The following RGS6 variants were observed in gnomAD, a reference collection of about 807,000 sequenced individuals.
The protein encoded by RGS6 is regulator of G-protein signaling 6.
RGS6 carries 30 observed loss-of-function variants against 78.5 expected under a neutral mutation model. The observed-to-expected ratio is 0.38, with a 90% CI of 0.29 to 0.52. RGS6 has a LOEUF of 0.52. RGS6 is among the 20% of genes least tolerant of loss of function. The pLI is 0.85. For synonymous variants in RGS6, 206 were observed against 206.0 expected, an observed-to-expected ratio of 1.00 and a Z score of 0.00; for missense variants, 495 against 609.7, an observed-to-expected ratio of 0.81 and a Z score of 1.98.
intron 2 of RGS6, among the ~76,000 whole-genome samples, chr14:72,073,028 C>T (rs778947052): frequency 1.3e-5 from 2 of 152,246 alleles, no homozygotes; most frequent in African/African-American, 4.8e-5. Flanking sequence ...GAAGATTACT[C>T]GATAGTCATT....
chr14:72,129,363 T>A (rs781222973), intron 2 of RGS6, among the ~76,000 whole-genome samples: 4 of 152,238 alleles, frequency 2.6e-5, no homozygotes, highest in Non-Finnish European at 5.9e-5. Flanking sequence ...CAATAAATAT[T>A]TGTTTAATGA....
intron 2 of RGS6, among the ~76,000 whole-genome samples, chr14:72,062,470 C>G (rs1214565179): frequency 6.6e-6 from 1 of 152,190 alleles, no homozygotes; most frequent in African/African-American, 2.4e-5. Context: ...GGCAAGAAAA[C>G]AAACAGACCA....
At chr14:72,470,613 C>G (rs2096049784) in intron 8 of RGS6, among the ~76,000 whole-genome samples, 1 of 151,914 alleles carries the variant, frequency 6.6e-6, no homozygotes, top group African/African-American at 2.4e-5. Context: ...CATGGTGGCT[C>G]ATGCCTGTAA....
At chr14:72,179,681 A>T (rs1024072024) in intron 2 of RGS6, among the ~76,000 whole-genome samples, 3 of 117,226 alleles carry the variant, frequency 2.6e-5, no homozygotes, top group Admixed American at 1.2e-4. Flanking sequence ...TGTTAACTTC[A>T]TATTTGAAGG....
At chr14:72,454,689 A>C in intron 4 of RGS6, 111 bp downstream of exon 4, 1 of 752,610 alleles carries the variant, frequency 1.3e-6, no homozygotes, top group Non-Finnish European at 2.2e-6. Flanking sequence ...TGTAAATGTG[A>C]ATTCCAAGAC....
chr14:72,355,635 T>TAAG (rs1408495677), intron 3 of RGS6, among the ~76,000 whole-genome samples: 2 of 152,070 alleles, frequency 1.3e-5, no homozygotes, highest in Non-Finnish European at 2.9e-5. Flanking sequence ...GAGGAGGAAA[T>TAAG]AAGTAAGGAA....
At chr14:72,080,925 G>T (rs2094796044) in intron 2 of RGS6, among the ~76,000 whole-genome samples, 1 of 152,066 alleles carries the variant, frequency 6.6e-6, no homozygotes, top group Admixed American at 6.6e-5. Context: ...CTGTAGCTTT[G>T]TAGTAGTTTT....
chr14:72,438,417 C>T (rs1158702913), intron 3 of RGS6, among the ~76,000 whole-genome samples: 2 of 152,170 alleles, frequency 1.3e-5, no homozygotes, highest in Non-Finnish European at 2.9e-5. Context: ...CCAGATTCAA[C>T]AGCCACTCCA....
At chr14:72,214,428 G>A (rs1339061304) in intron 2 of RGS6, among the ~76,000 whole-genome samples, 1 of 152,090 alleles carries the variant, frequency 6.6e-6, no homozygotes, top group Non-Finnish European at 1.5e-5. Context: ...TTTCTAGCGT[G>A]TGTATGTATA....
At chr14:72,629,613 C>T in the RGS6 span, 1 of 1,533,860 alleles carries the variant, frequency 6.5e-7, no homozygotes, top group East Asian at 2.4e-5. Flanking sequence ...CAGGGAAAGC[C>T]CCAAACTCAC....
intron 2 of RGS6, among the ~76,000 whole-genome samples, chr14:72,209,315 A>C (rs549119167): frequency 2.0e-5 from 3 of 152,332 alleles, no homozygotes; most frequent in African/African-American, 7.2e-5. Context: ...TACATATTCT[A>C]TTCTTTAAAA....
At chr14:72,131,137 T>G (rs2096305384) in intron 2 of RGS6, among the ~76,000 whole-genome samples, 1 of 152,232 alleles carries the variant, frequency 6.6e-6, no homozygotes, top group Non-Finnish European at 1.5e-5. Flanking sequence ...CGGACTATTC[T>G]CTTGAGCCAG....
intron 12 of RGS6, among the ~76,000 whole-genome samples, chr14:72,493,758 C>T (rs955737685): frequency 6.7e-5 from 10 of 149,476 alleles, no homozygotes; most frequent in African/African-American, 2.2e-4. Context: ...AATAGTAACA[C>T]TGCATACCAG....
At chr14:72,393,251 T>C (rs2071375619) in intron 3 of RGS6, among the ~76,000 whole-genome samples, 1 of 152,204 alleles carries the variant, frequency 6.6e-6, no homozygotes, top group Non-Finnish European at 1.5e-5. Flanking sequence ...CAGCGAAATA[T>C]TCTGTGATGT....
intron 3 of RGS6, among the ~76,000 whole-genome samples, chr14:72,412,677 C>T (rs1201119702): frequency 1.3e-5 from 2 of 152,046 alleles, no homozygotes; most frequent in Non-Finnish European, 1.5e-5. Context: ...CAATTTTAGA[C>T]CTTTCGTGCT....
chr14:72,366,590 C>T (rs2082487883), intron 3 of RGS6, among the ~76,000 whole-genome samples: 1 of 152,132 alleles, frequency 6.6e-6, no homozygotes, highest in Admixed American at 6.5e-5. Context: ...TCTCATCTTC[C>T]AGAAGCTTAA....
At chr14:72,620,318 G>A in the RGS6 span, among the ~76,000 whole-genome samples, 4 of 152,170 alleles carry the variant, frequency 2.6e-5, no homozygotes, top group African/African-American at 9.7e-5. Flanking sequence ...CAATAGCTCT[G>A]CTTCCAAAGG....
intron 2 of RGS6, among the ~76,000 whole-genome samples, chr14:72,304,350 A>T (rs860195): frequency 5.3e-5 from 8 of 152,024 alleles, no homozygotes; most frequent in African/African-American, 1.7e-4. Flanking sequence ...CCATATTACC[A>T]CATAGAGCAA....
chr14:72,158,895 C>A (rs2096812983), intron 2 of RGS6, among the ~76,000 whole-genome samples: 1 of 152,196 alleles, frequency 6.6e-6, no homozygotes, highest in African/African-American at 2.4e-5. Context: ...CTCAGCTCCA[C>A]CCTTTTCTTT....
Sources: gnomAD v4.1 joint callset for allele counts (sites outside exome capture counted in the v4.1 genomes callset) on GRCh38, gnomAD v4.1.1 for gene constraint, MANE v1.5 for transcripts, NCBI Gene and HGNC (gene_info 2026-07-23, HGNC 2026-07-21) for gene names.